CWH43: variants seen among roughly 807,000 people sequenced by gnomAD.
CWH43 encodes PGAP2-interacting protein.
A neutral mutation model predicts 85.7 loss-of-function variants in CWH43; 91 were observed. The observed-to-expected ratio is 1.06, with a 90% confidence interval of 0.90 to 1.26. CWH43 has a LOEUF of 1.26. CWH43 is among the 50% of genes most tolerant of loss of function. CWH43 has a pLI of 0.00. For synonymous variants in CWH43, 323 were observed against 293.6 expected (o/e 1.10, Z -1.02); for missense variants, 869 against 839.2 (o/e 1.04, Z -0.44).
At position 48,994,598 on chromosome 4, in the gene CWH43, A is replaced by G. The variant is rs771141886; in HGVS notation, c.512-21A>G. On this transcript the variant is annotated intron_variant, in intron 4 of 15. Transcript: ENST00000226432. ...TTCCATATAACTAAACTTTTTCCAT[A>G]TATGTATTTTTAAATTCTAGATGGT... 5 of 1,593,136 alleles carry G rather than the reference A, an allele frequency of 3.1e-6. No individual in the cohort carries two copies. The African/African-American group carries it at 5.4e-5, about 17-fold the overall frequency.
rs758385628 is a variant in CWH43 at position 48,994,779 on chromosome 4, G to A, written c.672G>A (p.Val224=). ...TCTCTCTTGTTTCCAGATGGGCAGT[G>A]AGTGGGCATCCACATCCAGGGCCAG... ...GEVSLVSRWA[V]SGHPHPGPDP... The change falls in exon 5 of 16, where the codon GTG becomes GTA. Residue 224 remains valine (V), a synonymous_variant. Coordinates refer to ENST00000226432, the MANE Select transcript of CWH43 (RefSeq NM_025087.3). 1.9e-6 allele frequency: 3 copies of A among 1,613,980 alleles called. No homozygotes were observed. The South Asian group carries it at 3.3e-5, about 18-fold the overall frequency.
Position 49,017,251 on chromosome 4 carries a change from C to A in CWH43, c.1189C>A (p.Leu397Met). The A allele has an allele frequency of 6.2e-7, 1 of 1,609,334 alleles. No homozygotes were observed. Among genetic ancestry groups the A allele is most frequent in the Non-Finnish European group, 8.5e-7 (1 of 1,177,594 alleles). The change falls in exon 9 of 16, where the codon CTG becomes ATG. Residue 397 changes from leucine (L) to methionine (M), a missense_variant and splice_region_variant. Physicochemically the swap from Leu to Met is conservative, Grantham distance 15. This residue lies in a region of CWH43 where 577 missense variants were observed against 513.1 expected (regional missense o/e 1.12). Transcript: ENST00000226432. ...RKSEKYMKLF[L>M]WLLVGVGLLG... The stretch of plus-strand genomic sequence containing the variant: ...AATTATTTCTTTTTTCTGTTTAGTT[C>A]TGTGGCTGCTTGTTGGTGTGGGATT...
intron 4 of CWH43, among the ~76,000 whole-genome samples, chr4:48,993,288 C>A (rs1459225410): frequency 9.2e-5 from 14 of 152,190 alleles, no homozygotes; most frequent in Admixed American, 3.9e-4. Context: ...CTGCATTTTA[C>A]TCAGCAAATT....
At chr4:49,035,052 C>A (rs1198382564) in intron 12 of CWH43, among the ~76,000 whole-genome samples, 1 of 152,200 alleles carries the variant, frequency 6.6e-6, no homozygotes, top group Non-Finnish European at 1.5e-5. Flanking sequence ...CCCAGAAGTA[C>A]TGTCTGGGAC....
chr4:49,037,969 G>A, intron 12 of CWH43, 67 bp from the exon 13 acceptor site: 1 of 1,427,968 alleles, frequency 7.0e-7, no homozygotes, highest in Non-Finnish European at 9.5e-7. Context: ...TGGCAACTTA[G>A]GTACCTAAGG....
intron 15 of CWH43, among the ~76,000 whole-genome samples, chr4:49,051,797 G>A (rs1391954519): frequency 1.3e-5 from 2 of 152,100 alleles, no homozygotes; most frequent in East Asian, 1.9e-4. Context: ...GGCTGGTCTC[G>A]AAAGCCTGAC....
chr4:49,014,296 T>A (rs1783461145), intron 8 of CWH43, among the ~76,000 whole-genome samples: 1 of 151,894 alleles, frequency 6.6e-6, no homozygotes, highest in African/African-American at 2.4e-5. Flanking sequence ...CTACAAAAAA[T>A]TTAAAAATCA....
At chr4:49,015,281 C>A (rs1038441403) in intron 8 of CWH43, among the ~76,000 whole-genome samples, 2 of 149,438 alleles carry the variant, frequency 1.3e-5, no homozygotes, top group African/African-American at 4.9e-5. Flanking sequence ...TTCCCTTATG[C>A]CCCTCCTCCC....
chr4:49,032,059 G>A (rs1000730854), intron 11 of CWH43, among the ~76,000 whole-genome samples: 1 of 152,312 alleles, frequency 6.6e-6, no homozygotes, highest in East Asian at 1.9e-4. Context: ...ACTCCATGAA[G>A]GTGACAGAGA....
At chr4:49,034,195 CT>C (rs1446059555) in intron 12 of CWH43, among the ~76,000 whole-genome samples, 2 of 152,084 alleles carry the variant, frequency 1.3e-5, no homozygotes, top group Admixed American at 6.6e-5. Flanking sequence ...GAAATGCTTT[CT>C]TTTTTTCCCA....
Position 49,045,778 on chromosome 4 carries a change from G to C in CWH43, c.1865+931G>C, listed in dbSNP as rs145471958. Among the ~76,000 whole-genome samples the C allele has an allele frequency of 4.3e-3, 649 of 151,818 alleles. 2 individuals are homozygous for C. Among genetic ancestry groups the C allele is most frequent in the Non-Finnish European group, 7.3e-3 (498 of 67,944 alleles). ...TAATAATTGTACACATTTATTGGGGGGGTACAATGTGGTATTCCAATACTT... is the reference window on the plus strand; with the variant it reads ...TAATAATTGTACACATTTATTGGGGCGGTACAATGTGGTATTCCAATACTT... On this transcript the variant is annotated intron_variant, in intron 14 of 15. Transcript: ENST00000226432.
intron 12 of CWH43, 88 bp from the exon 13 acceptor site, chr4:49,037,948 C>T: frequency 8.8e-7 from 1 of 1,139,850 alleles, no homozygotes; most frequent in Non-Finnish European, 1.3e-6. Flanking sequence ...TCACTATATG[C>T]AGATAGTCTT....
At chr4:49,055,504 T>C (rs1290325871) in intron 15 of CWH43, among the ~76,000 whole-genome samples, 1 of 152,174 alleles carries the variant, frequency 6.6e-6, no homozygotes, top group Admixed American at 6.5e-5. Flanking sequence ...ATCAGGCTAA[T>C]AATGGCCTCA....
intron 15 of CWH43, 79 bp from the exon 16 acceptor site, chr4:49,061,733 T>G: frequency 8.8e-7 from 1 of 1,138,458 alleles, no homozygotes; most frequent in Non-Finnish European, 1.1e-6. Context: ...ATTTTATGAT[T>G]GAAATTTTAC....
chr4:49,004,118 A>G (rs1343673172), intron 7 of CWH43, 126 bp downstream of exon 7: 2 of 833,692 alleles, frequency 2.4e-6, no homozygotes, highest in East Asian at 5.4e-5. Context: ...TTGGTAAAAT[A>G]GACTCTCTTG....
intron 1 of CWH43, among the ~76,000 whole-genome samples, chr4:48,988,128 G>C (rs2109735566): frequency 6.6e-6 from 1 of 152,310 alleles, no homozygotes; most frequent in East Asian, 1.9e-4. Flanking sequence ...GATGCGAGGA[G>C]TGGGAGAATA....
chr4:49,035,559 A>T (rs1784239079), intron 12 of CWH43, among the ~76,000 whole-genome samples: 1 of 152,204 alleles, frequency 6.6e-6, no homozygotes, highest in Non-Finnish European at 1.5e-5. Context: ...AACCTTGGTA[A>T]GTTCCAGTTC....
chr4:49,017,424 G>A (rs755426040), intron 9 of CWH43, 96 bp downstream of exon 9: 20 of 842,750 alleles, frequency 2.4e-5, no homozygotes, highest in Non-Finnish European at 3.8e-5. Context: ...TGGATCTGAT[G>A]ACTTCAGAGC....
intron 13 of CWH43, among the ~76,000 whole-genome samples, chr4:49,039,876 C>CTA (rs1379932738): frequency 6.6e-6 from 1 of 151,988 alleles, no homozygotes; most frequent in African/African-American, 2.4e-5. Context: ...GGTATATCTC[C>CTA]TAATGCTATC....
Sources: gnomAD v4.1 joint callset for allele counts (sites outside exome capture counted in the v4.1 genomes callset) on GRCh38, gnomAD v4.1.1 for gene constraint, gnomAD v4.1.1 regional missense constraint, MANE v1.5 for transcripts, NCBI Gene and HGNC (gene_info 2026-07-23, HGNC 2026-07-21) for gene names.